COL19A1: variants seen among roughly 807,000 people sequenced by gnomAD.
COL19A1 encodes collagen type XIX alpha 1 chain, also known as collagen alpha-1(XIX) chain.
Under a neutral mutation model 190.2 loss-of-function variants are expected in COL19A1, and 159 were observed. The observed-to-expected ratio is 0.84, with a 90% CI of 0.73 to 0.95. The LOEUF (loss-of-function observed/expected upper bound fraction) is 0.95. COL19A1 is among the 40% of genes least tolerant of loss of function. The pLI is 0.00. For synonymous variants in COL19A1, 509 were observed against 458.9 expected, an observed-to-expected ratio of 1.11 and a Z score of -1.39; for missense variants, 1,418 against 1,431.9, an observed-to-expected ratio of 0.99 and a Z score of 0.16.
At chr6:70,145,722 C>CTTTTTTTTTTTTTTTTT (rs56306364) in intron 25 of COL19A1, among the ~76,000 whole-genome samples, 5 of 128,160 alleles carry the variant, frequency 3.9e-5, no homozygotes, top group Non-Finnish European at 8.1e-5. Flanking sequence ...CTTATTGTTT[C>CTTTTTTTTTTTTTTTTT]TTTTTTTTTT....
At chr6:69,907,133 C>T (rs374796514) in intron 4 of COL19A1, among the ~76,000 whole-genome samples, 16 of 125,724 alleles carry the variant, frequency 1.3e-4, no homozygotes, top group African/African-American at 3.9e-4. Context: ...TTTTTTGAGA[C>T]GGAGTCTCCA....
intron 15 of COL19A1, among the ~76,000 whole-genome samples, chr6:70,070,533 ATT>A (rs1342224044): frequency 1.3e-5 from 2 of 152,158 alleles, no homozygotes; most frequent in East Asian, 3.8e-4. Context: ...TAGAGCAGGT[ATT>A]ATTGACATTA....
chr6:70,204,308 T>C (rs1278101322), intron 49 of COL19A1, among the ~76,000 whole-genome samples: 1 of 152,202 alleles, frequency 6.6e-6, no homozygotes, highest in Non-Finnish European at 1.5e-5. Context: ...TTAGCATTCC[T>C]ACAAGGAGTT....
chr6:69,929,167 C>T (rs1316540483), intron 5 of COL19A1, among the ~76,000 whole-genome samples: 4 of 151,990 alleles, frequency 2.6e-5, no homozygotes, highest in East Asian at 3.9e-4. Flanking sequence ...CACACACACA[C>T]ACACACACAC....
chr6:69,909,554 G>A (rs1448421893), intron 4 of COL19A1, among the ~76,000 whole-genome samples: 1 of 152,064 alleles, frequency 6.6e-6, no homozygotes, highest in Non-Finnish European at 1.5e-5. Flanking sequence ...AAGTTCTGGG[G>A]AGAAGAAAGA....
At chr6:69,898,612 A>G (rs1476365406) in intron 2 of COL19A1, among the ~76,000 whole-genome samples, 1 of 152,224 alleles carries the variant, frequency 6.6e-6, no homozygotes, top group Admixed American at 6.5e-5. Context: ...CACTTGTTTT[A>G]CTATTGTACT....
At chr6:69,957,025 T>G (rs1774463199) in intron 9 of COL19A1, among the ~76,000 whole-genome samples, 1 of 152,098 alleles carries the variant, frequency 6.6e-6, no homozygotes, top group East Asian at 1.9e-4. Flanking sequence ...GCAATTTTTT[T>G]GTTTCCCTGC....
chr6:70,108,034 C>A (rs1784074512), intron 16 of COL19A1, among the ~76,000 whole-genome samples: 1 of 152,066 alleles, frequency 6.6e-6, no homozygotes, highest in East Asian at 1.9e-4. Context: ...ACTTGGAATG[C>A]CTTTGTTTAT....
intron 4 of COL19A1, among the ~76,000 whole-genome samples, chr6:69,921,459 A>G (rs567494187): frequency 9.4e-5 from 2 of 21,270 alleles, no homozygotes; most frequent in Non-Finnish European, 2.0e-4. Context: ...TATCATATAT[A>G]TCATATATAT....
At chr6:69,996,336 A>C (rs953287514) in intron 11 of COL19A1, among the ~76,000 whole-genome samples, 3 of 152,170 alleles carry the variant, frequency 2.0e-5, no homozygotes, top group African/African-American at 7.2e-5. Flanking sequence ...ACTAGATCAC[A>C]ATTACAGCTT....
At chr6:70,159,680 C>T (rs1787668121) in intron 34 of COL19A1, among the ~76,000 whole-genome samples, 2 of 152,146 alleles carry the variant, frequency 1.3e-5, no homozygotes, top group South Asian at 4.1e-4. Context: ...TGCAAAGAAA[C>T]TTGATCCAGC....
At chr6:70,148,953 T>G (rs1786856127) in intron 27 of COL19A1, among the ~76,000 whole-genome samples, 1 of 150,980 alleles carries the variant, frequency 6.6e-6, no homozygotes, top group Non-Finnish European at 1.5e-5. Flanking sequence ...AGAAAATTAT[T>G]AGGGAAGTGA....
At chr6:69,890,631 G>C (rs569719216) in intron 2 of COL19A1, 1 of 152,252 alleles carries the variant, frequency 6.6e-6, no homozygotes, top group East Asian at 1.9e-4. Context: ...TTTAGTATAA[G>C]TATGTTCCAA....
intron 2 of COL19A1, among the ~76,000 whole-genome samples, chr6:69,893,002 G>A (rs991648602): frequency 6.6e-6 from 1 of 152,156 alleles, no homozygotes; most frequent in Non-Finnish European, 1.5e-5. Flanking sequence ...AGAAACAAAC[G>A]TGCTACAAAT....
At chr6:69,989,734 GC>G (rs1776515349) in intron 11 of COL19A1, among the ~76,000 whole-genome samples, 1 of 151,906 alleles carries the variant, frequency 6.6e-6, no homozygotes, top group African/African-American at 2.4e-5. Flanking sequence ...AAATTTAAGA[GC>G]CAATTTCTAG....
intron 15 of COL19A1, among the ~76,000 whole-genome samples, chr6:70,075,880 T>C (rs1225687821): frequency 6.6e-6 from 1 of 152,226 alleles, no homozygotes; most frequent in Non-Finnish European, 1.5e-5. Context: ...AATGAAGAGC[T>C]GAATGACATT....
intron 15 of COL19A1, among the ~76,000 whole-genome samples, chr6:70,088,451 A>G (rs763884535): frequency 1.3e-5 from 2 of 152,164 alleles, no homozygotes; most frequent in Admixed American, 6.5e-5. Flanking sequence ...TGTCATAAAT[A>G]TATGAGTTAG....
chr6:69,967,936 AGCG>A (rs879941322), intron 11 of COL19A1, among the ~76,000 whole-genome samples: 22,163 of 132,556 alleles, frequency 0.17, 4,692 homozygotes, highest in African/African-American at 0.48. Context: ...AAGTACACGT[AGCG>A]TAAAGTACAC....
At chr6:69,970,314 A>C (rs1030211489) in intron 11 of COL19A1, among the ~76,000 whole-genome samples, 1 of 152,206 alleles carries the variant, frequency 6.6e-6, no homozygotes, top group African/African-American at 2.4e-5. Flanking sequence ...ACTGTGTCAA[A>C]ACATATTTTG....
Sources: allele counts gnomAD v4.1 joint callset (sites outside exome capture counted in the v4.1 genomes callset), GRCh38; gene constraint gnomAD v4.1.1; transcripts MANE v1.5; gene names NCBI Gene and HGNC (gene_info 2026-07-23, HGNC 2026-07-21).